EPM2A: variants seen among roughly 807,000 people sequenced by gnomAD.
The protein encoded by EPM2A is laforin.
Under a neutral mutation model 26.5 loss-of-function variants are expected in EPM2A, and 21 were observed. The ratio of observed to expected loss-of-function variants is 0.79; its 90% confidence interval spans 0.56 to 1.14. The LOEUF is 1.14. Among genes scored for constraint, EPM2A ranks in the 50% most tolerant of loss-of-function variants. EPM2A has a pLI of 0.00. For missense variants in EPM2A, 458 were observed against 440.8 expected, an observed-to-expected ratio of 1.04 and a Z score of -0.35; for synonymous variants, 217 against 177.6, an observed-to-expected ratio of 1.22 and a Z score of -1.76.
intron 2 of EPM2A, among the ~76,000 whole-genome samples, chr6:145,550,832 C>A (rs1780645274): frequency 6.6e-6 from 1 of 151,916 alleles, no homozygotes; most frequent in Non-Finnish European, 1.5e-5. Flanking sequence ...ATAATACATA[C>A]AACATACAAA....
chr6:145,577,181 C>A (rs1562389008), intron 2 of EPM2A, among the ~76,000 whole-genome samples: 1 of 151,860 alleles, frequency 6.6e-6, no homozygotes, highest in African/African-American at 2.4e-5. Flanking sequence ...TCTTACCTAT[C>A]AATAATAACA....
chr6:145,725,045 A>G (rs1307954596), intron 1 of EPM2A, among the ~76,000 whole-genome samples: 1 of 152,096 alleles, frequency 6.6e-6, no homozygotes, highest in Admixed American at 6.5e-5. Context: ...AATAAGTCAC[A>G]CACTGAGAGA....
intron 4 of EPM2A, among the ~76,000 whole-genome samples, chr6:145,439,172 A>G (rs1030034933): frequency 2.6e-5 from 4 of 152,192 alleles, no homozygotes; most frequent in Admixed American, 2.0e-4. Flanking sequence ...ATAGTATTCC[A>G]TGGTGTATAT....
intron 2 of EPM2A, among the ~76,000 whole-genome samples, chr6:145,575,889 C>A (rs964804041): frequency 2.0e-5 from 3 of 152,200 alleles, no homozygotes; most frequent in African/African-American, 7.2e-5. Flanking sequence ...TTGGTACCAA[C>A]ATCTATAGTA....
chr6:145,570,253 C>A (rs1780937304), intron 2 of EPM2A, among the ~76,000 whole-genome samples: 1 of 152,174 alleles, frequency 6.6e-6, no homozygotes, highest in Non-Finnish European at 1.5e-5. Flanking sequence ...TTAACCATCA[C>A]AAGTCCAACC....
chr6:145,396,037 A>G (rs969174044), intron 4 of EPM2A, among the ~76,000 whole-genome samples: 2 of 152,326 alleles, frequency 1.3e-5, no homozygotes, highest in Middle Eastern at 3.4e-3. Flanking sequence ...AGCAAGATCT[A>G]GAGCCAAAAA....
intron 2 of EPM2A, among the ~76,000 whole-genome samples, chr6:145,604,036 T>C (rs940397599): frequency 6.6e-6 from 1 of 152,116 alleles, no homozygotes; most frequent in Non-Finnish European, 1.5e-5. Flanking sequence ...TGGGGTACAT[T>C]TGAAGATGTG....
At chr6:145,439,729 A>G (rs553571934) in intron 4 of EPM2A, among the ~76,000 whole-genome samples, 13 of 152,248 alleles carry the variant, frequency 8.5e-5, no homozygotes, top group Admixed American at 8.5e-4. Context: ...ATATTGTCAG[A>G]TGCATAGTTT....
intron 4 of EPM2A, among the ~76,000 whole-genome samples, chr6:145,487,192 T>G (rs59422705): frequency 0.049 from 7,482 of 152,304 alleles, 268 homozygotes; most frequent in African/African-American, 0.094. Flanking sequence ...TATGGCTGCA[T>G]GGTATTCCAT....
At chr6:145,706,858 TTA>T (rs1255095760) in intron 1 of EPM2A, among the ~76,000 whole-genome samples, 1 of 152,124 alleles carries the variant, frequency 6.6e-6, no homozygotes, top group Non-Finnish European at 1.5e-5. Context: ...GCTCCAAAAT[TTA>T]TGTTTAAACT....
At chr6:145,680,506 G>C (rs1396448131) in intron 2 of EPM2A, among the ~76,000 whole-genome samples, 1 of 151,778 alleles carries the variant, frequency 6.6e-6, no homozygotes, top group East Asian at 1.9e-4. Context: ...TCGTCATTTA[G>C]CATTAGGTGT....
At chr6:145,622,451 C>T (rs1191561563), downstream of EPM2A, among the ~76,000 whole-genome samples, 3 of 152,208 alleles carry the variant, frequency 2.0e-5, no homozygotes, top group East Asian at 5.8e-4. Context: ...AAGTCATAAC[C>T]TCCATTACTT....
chr6:145,651,682 A>T (rs1450203702), intron 2 of EPM2A, among the ~76,000 whole-genome samples: 1 of 152,200 alleles, frequency 6.6e-6, no homozygotes, highest in Non-Finnish European at 1.5e-5. Context: ...ATGAATATAA[A>T]ATAACTGAAA....
intron 4 of EPM2A, among the ~76,000 whole-genome samples, chr6:145,484,252 G>A (rs1442759462): frequency 6.6e-6 from 1 of 151,920 alleles, no homozygotes; most frequent in Non-Finnish European, 1.5e-5. Flanking sequence ...TTATGCTTTG[G>A]TTTCAGGCCC....
At chr6:145,490,654 CT>C in intron 4 of EPM2A, 1 of 626,588 alleles carries the variant, frequency 1.6e-6, no homozygotes, top group African/African-American at 1.8e-5. Context: ...ACACTTGAAA[CT>C]CTCAGTAGAG....
intron 2 of EPM2A, chr6:145,635,795 C>T (rs963791642): frequency 7.8e-5 from 22 of 283,708 alleles, no homozygotes; most frequent in Middle Eastern, 2.2e-3. Flanking sequence ...TATGGTTCCA[C>T]ATGATAAAAA....
At chr6:145,622,470 G>C (rs2128554043), downstream of EPM2A, among the ~76,000 whole-genome samples, 1 of 152,282 alleles carries the variant, frequency 6.6e-6, no homozygotes, top group South Asian at 2.1e-4. Flanking sequence ...TTCAGAATGT[G>C]ACCTTATTCA....
At chr6:145,465,162 C>G (rs1327425180) in intron 4 of EPM2A, among the ~76,000 whole-genome samples, 5 of 152,104 alleles carry the variant, frequency 3.3e-5, no homozygotes, top group Admixed American at 3.3e-4. Flanking sequence ...TTCTTGGAGG[C>G]TTTGCTCATT....
intron 4 of EPM2A, among the ~76,000 whole-genome samples, chr6:145,442,177 T>C (rs994121864): frequency 1.3e-4 from 20 of 152,176 alleles, no homozygotes; most frequent in African/African-American, 4.8e-4. Flanking sequence ...CTCTAGGAAG[T>C]TCCAAACTTT....
Sources: gnomAD v4.1 joint callset for allele counts (sites outside exome capture counted in the v4.1 genomes callset) on GRCh38, gnomAD v4.1.1 for gene constraint, MANE v1.5 for transcripts, NCBI Gene and HGNC (gene_info 2026-07-23, HGNC 2026-07-21) for gene names.